The following CDH13 variants were observed in gnomAD, a reference collection of about 807,000 sequenced individuals.
CDH13 encodes the protein cadherin 13.
A neutral mutation model predicts 63.8 loss-of-function variants in CDH13; 24 were observed. That is an observed-to-expected ratio of 0.38 (90% CI 0.27 to 0.53). The LOEUF is 0.53. CDH13 is among the 20% of genes least tolerant of loss of function. The pLI is 0.85. For missense variants in CDH13, 1,049 were observed against 903.1 expected (o/e 1.16, Z -2.07); for synonymous variants, 503 against 355.3 (o/e 1.42, Z -4.67).
intron 3 of CDH13, among the ~76,000 whole-genome samples, chr16:83,034,210 C>G (rs1159158601): frequency 6.6e-6 from 1 of 152,084 alleles, no homozygotes; most frequent in Non-Finnish European, 1.5e-5. Context: ...CCTGGCTTAG[C>G]CTGAGTATCC....
intron 7 of CDH13, among the ~76,000 whole-genome samples, chr16:83,487,135 T>A (rs546082415): frequency 1.1e-4 from 17 of 152,280 alleles, no homozygotes; most frequent in South Asian, 1.0e-3. Flanking sequence ...TCTTCCTCCA[T>A]CTCTGTTCTC....
intron 1 of CDH13, 63 bp from the exon 2 acceptor site, chr16:82,858,299 C>T (rs147008334): frequency 1.4e-4 from 164 of 1,133,376 alleles, no homozygotes; most frequent in East Asian, 1.1e-3. Flanking sequence ...GCGGATTTGG[C>T]GAAAGTTAGC....
intron 11 of CDH13, among the ~76,000 whole-genome samples, chr16:83,752,341 C>A (rs1009086801): frequency 6.6e-6 from 1 of 152,212 alleles, no homozygotes; most frequent in African/African-American, 2.4e-5. Flanking sequence ...TTAAGTGACA[C>A]TGTGTGCGTA....
chr16:82,808,608 A>G (rs561744816), intron 1 of CDH13, among the ~76,000 whole-genome samples: 1 of 152,152 alleles, frequency 6.6e-6, no homozygotes, highest in Non-Finnish European at 1.5e-5. Context: ...AAAAATAGTT[A>G]TTTATTTTTT....
intron 5 of CDH13, among the ~76,000 whole-genome samples, chr16:83,302,347 G>A (rs2089769452): frequency 6.6e-6 from 1 of 152,134 alleles, no homozygotes; most frequent in Non-Finnish European, 1.5e-5. Flanking sequence ...TAATTCCATG[G>A]CAATCAAATC....
intron 7 of CDH13, among the ~76,000 whole-genome samples, chr16:83,546,198 G>A (rs900211965): frequency 1.3e-5 from 2 of 148,278 alleles, no homozygotes; most frequent in African/African-American, 5.0e-5. Flanking sequence ...CAAGTGTAGA[G>A]CGTGGGACGT....
At chr16:83,079,291 C>T (rs2033073194) in intron 3 of CDH13, among the ~76,000 whole-genome samples, 1 of 152,164 alleles carries the variant, frequency 6.6e-6, no homozygotes, top group African/African-American at 2.4e-5. Context: ...AACACACCTT[C>T]TTTTATTAAC....
chr16:83,086,970 A>G (rs1452828091), intron 3 of CDH13, among the ~76,000 whole-genome samples: 6 of 152,258 alleles, frequency 3.9e-5, no homozygotes, highest in Non-Finnish European at 8.8e-5. Flanking sequence ...ATCAATGCAA[A>G]TATAAAAAAA....
chr16:83,438,844 C>T (rs912644786), intron 6 of CDH13, among the ~76,000 whole-genome samples: 2 of 152,162 alleles, frequency 1.3e-5, no homozygotes, highest in African/African-American at 4.8e-5. Context: ...AAGAACAGAA[C>T]AATCTAAACT....
intron 1 of CDH13, among the ~76,000 whole-genome samples, chr16:82,741,430 A>G (rs193222908): frequency 6.5e-4 from 99 of 152,178 alleles, no homozygotes; most frequent in Non-Finnish European, 1.1e-3. Flanking sequence ...CTGTTTCCTT[A>G]TCTGTGGTTT....
chr16:83,443,804 A>T lies in CDH13; in HGVS notation c.782-42673A>T. ...GCGAGAGCAAGCCAGGCTTGGTGGC[A>T]TGTGCCTGTAGTCCCAGCTACTCAG... On this transcript the variant is annotated intron_variant, in intron 6 of 13. Transcript: ENST00000567109. 1.4e-5 allele frequency among the ~76,000 whole-genome samples: 2 copies of T among 141,458 alleles called. 1 individual carries two copies. 92.8% of individuals were successfully genotyped at this position (141,458 alleles called of 152,430 possible). A position where few individuals can be genotyped will look rare whatever the true frequency, so the allele number is the denominator to read the frequency against.
rs1489971065 is a variant in CDH13 at position 83,186,051 on chromosome 16, T to C, written c.484-31294T>C. Among the ~76,000 whole-genome samples the C allele has an allele frequency of 3.3e-5, 5 of 151,758 alleles. No homozygotes were observed. In the Admixed American group the frequency reaches 3.3e-4, roughly 10 times the overall value. On this transcript the variant is annotated intron_variant, in intron 4 of 13. Coordinates refer to ENST00000567109, the MANE Select transcript of CDH13 (RefSeq NM_001257.5). Reference sequence around the variant, plus strand: ...GTCATTTAGTCATTAAATTAGCTCTTTTAAAATTGTATTATTTTTAAAGGC... The same window carrying C: ...GTCATTTAGTCATTAAATTAGCTCTCTTAAAATTGTATTATTTTTAAAGGC...
intron 10 of CDH13, among the ~76,000 whole-genome samples, chr16:83,696,215 C>T (rs528697134): frequency 2.6e-5 from 4 of 152,268 alleles, no homozygotes; most frequent in South Asian, 2.1e-4. Flanking sequence ...AACAGGGAAA[C>T]ATTTCTTTCC....
chr16:82,726,437 C>T (rs988159), intron 1 of CDH13, among the ~76,000 whole-genome samples: 146,967 of 152,304 alleles, frequency 0.96, 71,122 homozygotes, highest in East Asian at 1. Flanking sequence ...CAAACTGTTA[C>T]TTTCTTTTGA....
chr16:82,985,626 A>T (rs1910839844), intron 2 of CDH13, among the ~76,000 whole-genome samples: 1 of 152,016 alleles, frequency 6.6e-6, no homozygotes, highest in Non-Finnish European at 1.5e-5. Flanking sequence ...CTTGGGCAGG[A>T]CCCTCACCCT....
chr16:83,626,370 C>T (rs771542423), intron 8 of CDH13, among the ~76,000 whole-genome samples: 11 of 152,078 alleles, frequency 7.2e-5, no homozygotes, highest in African/African-American at 2.7e-4. Context: ...GCGTTGTCAC[C>T]GGGATAACTG....
At chr16:82,672,610 A>G (rs1913385245) in intron 1 of CDH13, among the ~76,000 whole-genome samples, 1 of 152,020 alleles carries the variant, frequency 6.6e-6, no homozygotes, top group African/African-American at 2.4e-5. Flanking sequence ...ACCTCTATCT[A>G]GGTGATCAGT....
At chr16:82,649,359 T>A (rs1398990270) in intron 1 of CDH13, among the ~76,000 whole-genome samples, 1 of 152,096 alleles carries the variant, frequency 6.6e-6, no homozygotes, top group East Asian at 1.9e-4. Context: ...GATAACTATA[T>A]GAAGGGGAAG....
At chr16:82,670,735 C>T (rs889955715) in intron 1 of CDH13, among the ~76,000 whole-genome samples, 10 of 152,136 alleles carry the variant, frequency 6.6e-5, no homozygotes, top group African/African-American at 2.4e-4. Flanking sequence ...TTTAATAAAT[C>T]GTCTCTTCTA....
Sources: gnomAD v4.1 joint callset for allele counts (sites outside exome capture counted in the v4.1 genomes callset) on GRCh38, gnomAD v4.1.1 for gene constraint, MANE v1.5 for transcripts, NCBI Gene and HGNC (gene_info 2026-07-23, HGNC 2026-07-21) for gene names.